Variants in PCK2 observed in about 807,000 individuals in gnomAD.
PCK2 encodes the protein phosphoenolpyruvate carboxykinase 2, mitochondrial.
A neutral mutation model predicts 65.9 loss-of-function variants in PCK2; 56 were observed. That is an observed-to-expected ratio of 0.85 (90% CI 0.69 to 1.06). The LOEUF (loss-of-function observed/expected upper bound fraction) is 1.06, where lower values mean the gene tolerates loss of function less well. Among genes scored for constraint, PCK2 ranks in the 50% least tolerant of loss-of-function variants. The pLI is 0.00. For missense variants in PCK2, 843 were observed against 863.1 expected, an observed-to-expected ratio of 0.98 and a Z score of 0.29; for synonymous variants, 305 against 319.6, an observed-to-expected ratio of 0.95 and a Z score of 0.49.
At chr14:24,102,476 G>A (rs1162299136) in intron 7 of PCK2, among the ~76,000 whole-genome samples, 1 of 152,092 alleles carries the variant, frequency 6.6e-6, no homozygotes, top group East Asian at 1.9e-4. Context: ...AGTGCCAAGT[G>A]CCAGTAGCTT....
chr14:24,102,638 G>GCAGCTGAT (rs1163251733), intron 7 of PCK2, 115 bp from the exon 8 acceptor site: 1 of 834,222 alleles, frequency 1.2e-6, no homozygotes, highest in Non-Finnish European at 1.9e-6. Context: ...AAGGTTCTAG[G>GCAGCTGAT]CAGCTGATGA....
At chr14:24,095,073 C>A (rs2036804439) in intron 1 of PCK2, 1 of 456,210 alleles carries the variant, frequency 2.2e-6, no homozygotes, top group Admixed American at 2.3e-5. Flanking sequence ...GCCTGGAGCC[C>A]CCAGGCTCGT....
intron 1 of PCK2, 114 bp from the exon 2 acceptor site, chr14:24,096,778 C>A: frequency 1.2e-6 from 1 of 861,958 alleles, no homozygotes; most frequent in Non-Finnish European, 1.9e-6. Flanking sequence ...CTTCATGGTC[C>A]CTGCATGCAG....
rs1393082038 is a variant in PCK2, at chr14:24,104,020, G to A, written c.*56G>A. 4.7e-6 allele frequency: 6 copies of A among 1,281,876 alleles called. No homozygotes were observed. The African/African-American group carries it at 5.9e-5, about 13-fold the overall frequency. 79.4% of individuals were successfully genotyped at this position (1,281,876 alleles called of 1,614,324 possible). On this transcript the variant is annotated 3_prime_UTR_variant, in exon 10 of 10. Transcript: ENST00000216780. ...GCACCCTCATCTGGGAATAGGGAAG[G>A]CACCTTGCAGAAAATATGAGCAATT... is the stretch of plus-strand genomic sequence containing the variant.
chr14:24,098,948 C>A, intron 4 of PCK2, 101 bp from the exon 5 acceptor site: 1 of 910,780 alleles, frequency 1.1e-6, no homozygotes. Flanking sequence ...GGTGCTGCTA[C>A]TGCTCCCAAG....
Position 24,094,887 on chromosome 14 carries a change from A to G in PCK2, c.29+453A>G, listed in dbSNP as rs1391081770. On this transcript the variant is annotated intron_variant, in intron 1 of 9. Coordinates refer to ENST00000216780, the MANE Select transcript of PCK2 (RefSeq NM_004563.4). This position sits in a 1 kb window ranked among gnomAD's most constrained non-coding sequence, Gnocchi z 4.1. ...AGACTAAGCTCAGAGCCCCCTAAAG[A>G]AGGTGGAAGGTTAAATATCCATTCC... 1 of 1,256,514 alleles carries G rather than the reference A, an allele frequency of 8.0e-7. No individual in the cohort carries two copies. The highest frequency in any genetic ancestry group is 5.5e-5 in the East Asian group (1 of 18,146). The allele number at this position is 1,256,514 out of a possible 1,614,324, so 77.8% of individuals were successfully genotyped here.
chr14:24,098,077 T>G, intron 2 of PCK2, 126 bp from the exon 3 acceptor site: 2 of 732,602 alleles, frequency 2.7e-6, no homozygotes, highest in Non-Finnish European at 4.5e-6. Context: ...GGGACTGAGA[T>G]GTGATTGGGT....
At chr14:24,102,551 C>G in intron 7 of PCK2, 1 of 568,030 alleles carries the variant, frequency 1.8e-6, no homozygotes, top group East Asian at 2.8e-5. Flanking sequence ...CATAGCTCAG[C>G]TGGCCGCACC....
rs773617387 is a variant in PCK2, at chr14:24,098,671, A to G, written c.657A>G (p.Thr219=). ...TGCACTCCGTGGGCCAGCCCCTGAC[A>G]GGACAAGGTAAGCACCTGCTCTGCC... ...KCLHSVGQPL[T]GQGEPVSQWP... Residue 219 remains threonine, a synonymous_variant, in exon 4 of 10, where the codon ACA becomes ACG. Coordinates refer to ENST00000216780, the MANE Select transcript of PCK2 (RefSeq NM_004563.4). The G allele has an allele frequency of 6.2e-7, 1 of 1,613,534 alleles. No individual in the cohort carries two copies. The highest frequency in any genetic ancestry group is 8.5e-7 in the Non-Finnish European group (1 of 1,179,838).
At chr14:24,099,308 GC>G in intron 5 of PCK2, 72 bp downstream of exon 5, 1 of 1,415,010 alleles carries the variant, frequency 7.1e-7, no homozygotes, top group Non-Finnish European at 9.6e-7. Context: ...GTCTGCCTCA[GC>G]CTCACCTCCC....
chr14:24,097,703 C>T (rs1051987647), intron 2 of PCK2, among the ~76,000 whole-genome samples: 2 of 151,748 alleles, frequency 1.3e-5, no homozygotes, highest in Non-Finnish European at 2.9e-5. Context: ...AAGCAATTCT[C>T]CTGCCTCAGC....
intron 4 of PCK2, 99 bp from the exon 5 acceptor site, chr14:24,098,950 G>C: frequency 1.1e-6 from 1 of 925,478 alleles, no homozygotes; most frequent in East Asian, 2.4e-5. Context: ...TGCTGCTACT[G>C]CTCCCAAGTG....
At position 24,103,507 on chromosome 14, in the gene PCK2, C is replaced by T. The variant is rs111490053; in HGVS notation, c.1469-3C>T. On this transcript the variant is annotated splice_region_variant and splice_polypyrimidine_tract_variant and intron_variant, in intron 9 of 9. Coordinates refer to ENST00000216780, the MANE Select transcript of PCK2 (RefSeq NM_004563.4). ...TTCCTTACCCATCTTGCTTCCCCCC[C>T]AGGGAAGATCATCATGCACGACCCA... 1 of 1,542,154 alleles carries T rather than the reference C, an allele frequency of 6.5e-7. No individual in the cohort carries two copies. The highest frequency in any genetic ancestry group is 2.3e-5 in the East Asian group (1 of 44,276).
Position 24,099,054 on chromosome 14 carries a change from C to A in PCK2, c.670C>A (p.Pro224Thr), listed in dbSNP as rs1284876011. ...CATGACCCCATTGTCCCCAGGGGAG[C>A]CAGTGAGCCAGTGGCCGTGCAACCC... Reference protein sequence around the residue: ...VGQPLTGQGEPVSQWPCNPEK... With the variant: ...VGQPLTGQGETVSQWPCNPEK... The change falls in exon 5 of 10, where the codon CCA (proline) becomes ACA (threonine). Residue 224 changes from proline (P) to threonine (T), a missense_variant. Transcript: ENST00000216780. The A allele has an allele frequency of 3.8e-6, 6 of 1,598,912 alleles. No homozygotes were observed. The African/African-American group carries it at 6.7e-5, about 18-fold the overall frequency.
In PCK2 at chr14:24,099,125, C is replaced by T; in HGVS notation, c.741C>T (p.Ile247=). The T allele has an allele frequency of 6.2e-7, 1 of 1,612,198 alleles. No homozygotes were observed. The highest frequency in any genetic ancestry group is 8.5e-7 in the Non-Finnish European group (1 of 1,179,428). Residue 247 remains isoleucine, a synonymous_variant, in exon 5 of 10, where the codon ATC becomes ATT. Transcript: ENST00000216780. ...ACGTGCCCGACCAGCGGGAGATCAT[C>T]TCCTTCGGCAGCGGCTATGGTGGCA... ...IGHVPDQREI[I]SFGSGYGGNS... is the part of the protein sequence containing the mutation.
Position 24,100,089 on chromosome 14 carries a change from G to C in PCK2, c.1110G>C (p.Gln370His). 1 of 1,612,708 alleles carries C rather than the reference G, an allele frequency of 6.2e-7. No homozygotes were observed. The highest frequency in any genetic ancestry group is 8.5e-7 in the Non-Finnish European group (1 of 1,179,224). ...ATCCCAACGCCATGGCTACAATCCA[G>C]AGTAACACTATTTTTACCAATGTGG... is the stretch of plus-strand genomic sequence containing the variant. ...TTNPNAMATI[Q>H]SNTIFTNVAE... Residue 370 changes from glutamine (Q) to histidine (H), a missense_variant, in exon 7 of 10, where the codon CAG (glutamine) becomes CAC (histidine). By Grantham distance (24) the Gln-to-His change is conservative. Transcript: ENST00000216780.
Position 24,099,588 on chromosome 14 carries a change from A to C in PCK2, c.883A>C (p.Lys295Gln). 6.2e-7 allele frequency: 1 copy of C among 1,607,942 alleles called. No homozygotes were observed. Among genetic ancestry groups the C allele is most frequent in the Non-Finnish European group, 8.5e-7 (1 of 1,176,640 alleles). The change falls in exon 6 of 10, where the codon AAG (lysine) becomes CAG (glutamine). Residue 295 changes from lysine to glutamine, a missense_variant. Physicochemically the swap from Lys to Gln is moderately conservative, Grantham distance 53 (BLOSUM62 1). Transcript: ENST00000216780. ...ILGITSPAGK[K>Q]RYVAAAFPSA... The stretch of plus-strand genomic sequence containing the variant: ...GGGCATCACCAGCCCTGCAGGGAAG[A>C]AGCGCTATGTGGCAGCCGCCTTCCC...
In PCK2 at chr14:24,094,433, CG is replaced by C; in HGVS notation, c.29+1del. ...GGCCGCATTGTACCGCCCTGGCCTGCGGTGAGTGACCCCCGGCCCGGGGCCC... is the reference window on the plus strand; with the variant it reads ...GGCCGCATTGTACCGCCCTGGCCTGCGTGAGTGACCCCCGGCCCGGGGCCC... Reference protein sequence around the residue: MAALYRPGLRLNWHGLSPLG... With the variant: MAALYRPGLXLNWHGLSPLG... On this transcript the variant is annotated frameshift_variant and splice_region_variant, in exon 1 of 10. Transcript: ENST00000216780. LOFTEE classifies it high-confidence loss of function. The surrounding 1 kb of genome is among the most constrained non-coding windows in gnomAD (Gnocchi z 4.1). 1.2e-5 allele frequency: 18 copies of C among 1,548,444 alleles called. No individual in the cohort carries two copies. The highest frequency in any genetic ancestry group is 1.6e-5 in the Non-Finnish European group (18 of 1,153,118).
intron 7 of PCK2, chr14:24,100,553 C>A: frequency 1.9e-6 from 2 of 1,057,008 alleles, no homozygotes; most frequent in Non-Finnish European, 2.4e-6. Flanking sequence ...AGTAAATTCT[C>A]AATAATAAAT....
Sources: allele counts gnomAD v4.1 joint callset (sites outside exome capture counted in the v4.1 genomes callset), GRCh38; gene constraint gnomAD v4.1.1; non-coding constraint Gnocchi (gnomAD v3.1); transcripts MANE v1.5; gene names NCBI Gene and HGNC (gene_info 2026-07-23, HGNC 2026-07-21).